The following ADGRG7 variants were observed in gnomAD, a reference collection of about 807,000 sequenced individuals.
ADGRG7 encodes the protein adhesion G protein-coupled receptor G7, also known as G-protein coupled receptor 128.
A neutral mutation model predicts 88.6 loss-of-function variants in ADGRG7; 82 were observed. The ratio of observed to expected loss-of-function variants is 0.93; its 90% CI spans 0.77 to 1.11. The LOEUF (loss-of-function observed/expected upper bound fraction) is 1.11, where lower values mean the gene tolerates loss of function less well. Ranked by LOEUF, ADGRG7 falls within the 50% of genes most tolerant of loss-of-function variation. The pLI is 0.00. For missense variants in ADGRG7, 945 were observed against 953.4 expected (o/e 0.99, Z 0.12); for synonymous variants, 381 against 345.2 (o/e 1.10, Z -1.15).
At position 100,694,808 on chromosome 3, in the gene ADGRG7, T is replaced by C. The variant is rs1161570608; in HGVS notation, c.2201T>C (p.Val734Ala). ...GTCTTCCAGAGTGAAGCTTCCAAAG[T>C]GTTGATGTTGCTATCGTCTATTGGG... ...TKVFQSEASK[V>A]LMLLSSIGRR... The change falls in exon 16 of 16, where the codon GTG (valine) becomes GCG (alanine). Residue 734 changes from valine (V) to alanine (A), a missense_variant. By Grantham distance (64) the Val-to-Ala change is moderately conservative. Coordinates refer to ENST00000273352, the MANE Select transcript of ADGRG7 (RefSeq NM_032787.3). The C allele has an allele frequency of 1.2e-6, 2 of 1,614,006 alleles. No homozygotes were observed. The highest frequency in any genetic ancestry group is 1.7e-6 in the Non-Finnish European group (2 of 1,180,002).
chr3:100,630,785 A>G lies in ADGRG7; in HGVS notation c.310A>G (p.Thr104Ala), dbSNP rs755963422. ...PVGRYGPSLQ[T>A]CGKDTPNAGN... ...GGGCAGATATGGACCATCCTTGCAA[A>G]CATGTGGCAAGGATACTCCAAATGG... The change falls in exon 3 of 16, where the codon ACA becomes GCA. Residue 104 changes from threonine to alanine, a missense_variant. Thr to Ala is a moderately conservative substitution (Grantham distance 58). Transcript: ENST00000273352. 2 of 1,479,240 alleles carry G rather than the reference A, an allele frequency of 1.4e-6. No individual in the cohort carries two copies. The highest frequency in any genetic ancestry group is 3.0e-5 in the South Asian group (2 of 65,632). 91.6% of individuals were successfully genotyped at this position (1,479,240 alleles called of 1,614,324 possible). A position where few individuals can be genotyped will look rare whatever the true frequency, so the allele number is the denominator to read the frequency against.
intron 15 of ADGRG7, among the ~76,000 whole-genome samples, chr3:100,686,324 T>A (rs9713144): frequency 1.3e-4 from 20 of 152,320 alleles, no homozygotes; most frequent in Non-Finnish European, 2.5e-4. Context: ...ATTCTGTAGG[T>A]TGCCTGTTCA....
At chr3:100,689,360 GCATTTAGCCCATTTA>G (rs2094989048) in intron 15 of ADGRG7, among the ~76,000 whole-genome samples, 2 of 152,152 alleles carry the variant, frequency 1.3e-5, no homozygotes, top group Non-Finnish European at 2.9e-5. Flanking sequence ...TTTAATTGGA[GCATTTAGCCCATTTA>G]CATTTAAGGT....
chr3:100,690,476 G>GT (rs1268767224), intron 15 of ADGRG7, among the ~76,000 whole-genome samples: 3 of 152,186 alleles, frequency 2.0e-5, no homozygotes, highest in African/African-American at 7.2e-5. Context: ...TTTCTGCTCG[G>GT]TTTTTTCCCC....
At chr3:100,636,096 C>T (rs949315421) in intron 5 of ADGRG7, among the ~76,000 whole-genome samples, 4 of 152,104 alleles carry the variant, frequency 2.6e-5, no homozygotes, top group Admixed American at 1.3e-4. Flanking sequence ...ATTGTGTCAC[C>T]CAGGCTGGAG....
chr3:100,645,955 G>C lies in ADGRG7; in HGVS notation c.957G>C (p.Lys319Asn). The C allele has an allele frequency of 6.2e-7, 1 of 1,613,464 alleles. No homozygotes were observed. Among genetic ancestry groups the C allele is most frequent in the Non-Finnish European group, 8.5e-7 (1 of 1,179,854 alleles). Residue 319 changes from lysine to asparagine, a missense_variant, in exon 9 of 16, where the codon AAG becomes AAC. Lys to Asn is a moderately conservative substitution (Grantham distance 94). Transcript: ENST00000273352. ...VLLNMTKNYT[K>N]TCGFVVYQND... ...TTTTTCTCCCTATAGATTACACCAA[G>C]ACATGCGGCTTTGTAGTTTATCAAA... is the stretch of plus-strand genomic sequence containing the variant.
chr3:100,669,065 TCG>T lies in ADGRG7; in HGVS notation c.2097_2098del (p.Val700LeufsTer23). The T allele has an allele frequency of 6.3e-7, 1 of 1,599,710 alleles. No homozygotes were observed. The highest frequency in any genetic ancestry group is 8.5e-7 in the Non-Finnish European group (1 of 1,174,058). On this transcript the variant is annotated frameshift_variant, in exon 15 of 16. Transcript: ENST00000273352. LOFTEE classifies it high-confidence loss of function. ...CTAGTTAATGATGATAGCATCAGGA[TCG>T]TCTTCAGCTACATATTCTGCCTTTT...
chr3:100,617,156 A>C (rs1387501292), intron 1 of ADGRG7, among the ~76,000 whole-genome samples: 1 of 152,172 alleles, frequency 6.6e-6, no homozygotes, highest in Non-Finnish European at 1.5e-5. Flanking sequence ...AATTTAAAAG[A>C]TGTTTATAGA....
At chr3:100,636,377 C>T (rs1707541446) in intron 5 of ADGRG7, among the ~76,000 whole-genome samples, 3 of 152,236 alleles carry the variant, frequency 2.0e-5, no homozygotes, top group Non-Finnish European at 4.4e-5. Context: ...TGATTTTAAA[C>T]TGCAATGCAT....
At chr3:100,681,706 A>G (rs940592144) in intron 15 of ADGRG7, among the ~76,000 whole-genome samples, 2 of 152,192 alleles carry the variant, frequency 1.3e-5, no homozygotes, top group African/African-American at 2.4e-5. Flanking sequence ...TGAAAGAGCA[A>G]TGAAATTACT....
chr3:100,620,534 A>G lies in ADGRG7; in HGVS notation c.116-9064A>G, dbSNP rs577988989. ...TGCCCTGTGTCACCACTCCTATTCA[A>G]CATAGTGTTGGAAGTTCTGGCCAGG... On this transcript the variant is annotated intron_variant, in intron 1 of 15. Coordinates refer to ENST00000273352, the MANE Select transcript of ADGRG7 (RefSeq NM_032787.3). Among the ~76,000 whole-genome samples, 31 of 152,364 alleles carry G rather than the reference A, an allele frequency of 2.0e-4. No individual in the cohort carries two copies. The South Asian group carries it at 6.4e-3, about 32-fold the overall frequency.
chr3:100,637,237 A>T (rs1163265197), intron 5 of ADGRG7, 65 bp from the exon 6 acceptor site: 8 of 1,045,374 alleles, frequency 7.7e-6, no homozygotes. Flanking sequence ...ATTCATGATG[A>T]TAATGATGGT....
At chr3:100,678,988 C>G (rs2094969318) in intron 15 of ADGRG7, among the ~76,000 whole-genome samples, 1 of 152,192 alleles carries the variant, frequency 6.6e-6, no homozygotes, top group Admixed American at 6.5e-5. Flanking sequence ...CAAGGCTCAA[C>G]AGCTCTACAA....
At chr3:100,658,693 A>C (rs1184126858) in intron 13 of ADGRG7, among the ~76,000 whole-genome samples, 1 of 152,090 alleles carries the variant, frequency 6.6e-6, no homozygotes. Context: ...ACTCTATTTA[A>C]AATAAAACAC....
Position 100,695,061 on chromosome 3 carries a change from T to C in ADGRG7, c.*60T>C. On this transcript the variant is annotated 3_prime_UTR_variant, in exon 16 of 16. Coordinates refer to ENST00000273352, the MANE Select transcript of ADGRG7 (RefSeq NM_032787.3). ...ACCTCGTTTGAGTTTTATCTGTTTCTCTCCTTTATTTCCCAGTCCTCTCAG... is the reference window on the plus strand; with the variant it reads ...ACCTCGTTTGAGTTTTATCTGTTTCCCTCCTTTATTTCCCAGTCCTCTCAG... 6.5e-7 allele frequency: 1 copy of C among 1,529,906 alleles called. No individual in the cohort carries two copies. The highest frequency in any genetic ancestry group is 8.9e-7 in the Non-Finnish European group (1 of 1,124,700). 94.8% of individuals were successfully genotyped at this position (1,529,906 alleles called of 1,614,324 possible).
Position 100,609,927 on chromosome 3 carries a change from T to C in ADGRG7, c.71T>C (p.Ile24Thr). The C allele has an allele frequency of 6.2e-7, 1 of 1,613,800 alleles. No homozygotes were observed. Among genetic ancestry groups the C allele is most frequent in the African/African-American group, 1.3e-5 (1 of 75,040 alleles). ...AVVCGLLTGI[I>T]LGLGIWRIVI... ...GTGTGTGGACTACTGACTGGCATCA[T>C]TTTGGGACTGGGCATCTGGAGGATT... Residue 24 changes from isoleucine (I) to threonine (T), a missense_variant, in exon 1 of 16, where the codon ATT becomes ACT. Coordinates refer to ENST00000273352, the MANE Select transcript of ADGRG7 (RefSeq NM_032787.3).
intron 15 of ADGRG7, among the ~76,000 whole-genome samples, chr3:100,674,812 C>T (rs1157319748): frequency 3.9e-5 from 6 of 152,242 alleles, no homozygotes; most frequent in Middle Eastern, 3.4e-3. Context: ...CTCCTGACCT[C>T]GTGATCCACC....
intron 15 of ADGRG7, among the ~76,000 whole-genome samples, chr3:100,685,682 T>C (rs1007335203): frequency 1.1e-4 from 16 of 152,178 alleles, no homozygotes; most frequent in Non-Finnish European, 2.2e-4. Flanking sequence ...GCTTCATCCA[T>C]GTCCCTACAA....
At chr3:100,613,668 A>G (rs1265750044) in intron 1 of ADGRG7, among the ~76,000 whole-genome samples, 2 of 152,186 alleles carry the variant, frequency 1.3e-5, no homozygotes, top group Admixed American at 1.3e-4. Flanking sequence ...TGTTGATTCC[A>G]TTTTAAAAGT....
Sources: gnomAD v4.1 joint callset for allele counts (sites outside exome capture counted in the v4.1 genomes callset) on GRCh38, gnomAD v4.1.1 for gene constraint, MANE v1.5 for transcripts, NCBI Gene and HGNC (gene_info 2026-07-23, HGNC 2026-07-21) for gene names.